The following PATL1 variants were observed in gnomAD, a reference collection of about 807,000 sequenced individuals.
PATL1 encodes the protein protein PAT1 homolog 1.
In PATL1, 32 loss-of-function variants were observed where a neutral mutation model predicts 100.6. That is an observed-to-expected ratio of 0.32 (90% CI 0.24 to 0.43). The LOEUF is 0.43. Among genes scored for constraint, PATL1 ranks in the 20% least tolerant of loss-of-function variants. The pLI is 1.00. For missense variants in PATL1, 747 were observed against 949.9 expected (o/e 0.79, Z 2.81); for synonymous variants, 332 against 330.0 (o/e 1.01, Z -0.07).
chr11:59,642,871 C>A lies in PATL1; in HGVS notation c.2049+9G>T. 1 of 1,608,130 alleles carries A rather than the reference C, an allele frequency of 6.2e-7. No homozygotes were observed. Among genetic ancestry groups the A allele is most frequent in the Non-Finnish European group, 8.5e-7 (1 of 1,177,048 alleles). On this transcript the variant is annotated intron_variant, in intron 16 of 18. Transcript: ENST00000300146. ...CACAAAGTTCAAGGAGTTAAAAGGG[C>A]AAGATCACCTTGTTCTGGAGCACAG...
intron 7 of PATL1, 33 bp from the exon 8 acceptor site, chr11:59,655,773 A>G (rs1232694750): frequency 6.5e-7 from 1 of 1,529,882 alleles, no homozygotes; most frequent in South Asian, 1.2e-5. Flanking sequence ...AGATTTAGAC[A>G]ATCAGCAAGT....
intron 8 of PATL1, 72 bp from the exon 9 acceptor site, chr11:59,654,144 T>A: frequency 7.7e-7 from 1 of 1,305,860 alleles, no homozygotes; most frequent in Non-Finnish European, 1.1e-6. Context: ...ATGTTGTCAG[T>A]AGAGGATAAC....
chr11:59,639,059 C>G lies in PATL1; in HGVS notation c.2280G>C (p.Glu760Asp). ...YVDRQKLNLL[E>D]TKLQLVQGIR ...TGTTTCAAACTTACTGCAGTTTTGT[C>G]TCCAGCAAGTTCAGTTTCTGCCGGT... Residue 760 changes from glutamate to aspartate, a missense_variant, in exon 18 of 19, where the codon GAG becomes GAC. Glu to Asp is a conservative substitution (Grantham distance 45). Transcript: ENST00000300146. 6.2e-7 allele frequency: 1 copy of G among 1,613,388 alleles called. No homozygotes were observed. The highest frequency in any genetic ancestry group is 1.1e-5 in the South Asian group (1 of 90,998).
At chr11:59,641,231 G>C (rs776069765) in intron 16 of PATL1, among the ~76,000 whole-genome samples, 105 of 152,202 alleles carry the variant, frequency 6.9e-4, no homozygotes, top group Non-Finnish European at 1.4e-3. Flanking sequence ...GAGGTGGGAG[G>C]ATCGCTTTGA....
intron 1 of PATL1, 46 bp downstream of exon 1, chr11:59,668,807 CGGCGCGCGGAGAGAGAGTGAGGGAGAGG>C: frequency 1.4e-6 from 1 of 705,804 alleles, no homozygotes; most frequent in Non-Finnish European, 2.3e-6. Flanking sequence ...AACACAGGAC[CGGCGCGCGGAGAGAGAGTGAGGGAGAGG>C]GGCGCGGGAG....
chr11:59,652,491 C>T lies in PATL1; in HGVS notation c.1399G>A (p.Ala467Thr), dbSNP rs1449228298. 1.8e-5 allele frequency: 29 copies of T among 1,613,454 alleles called. No individual in the cohort carries two copies. Among genetic ancestry groups the T allele is most frequent in the Non-Finnish European group, 2.5e-5 (29 of 1,179,736 alleles). Reference sequence around the variant, plus strand: ...GGCTTATAGGCGTGCTCCAGTTTGGCCACCTGAGGGGTGATAAGCTTGGTG... The same window carrying T: ...GGCTTATAGGCGTGCTCCAGTTTGGTCACCTGAGGGGTGATAAGCTTGGTG... ...ERTKLITPQV[A>T]KLEHAYKPVQ... The change falls in exon 11 of 19, where the codon GCC becomes ACC. Residue 467 changes from alanine (A) to threonine (T), a missense_variant. This residue lies in a region of PATL1 where 434 missense variants were observed against 596.1 expected (regional missense o/e 0.73). Transcript: ENST00000300146.
chr11:59,655,887 G>T, intron 7 of PATL1, 69 bp downstream of exon 7: 1 of 1,369,530 alleles, frequency 7.3e-7, no homozygotes, highest in Non-Finnish European at 1.0e-6. Flanking sequence ...GCAAAAAAAG[G>T]GGCTATTATC....
chr11:59,645,089 G>T (rs1414879081), intron 15 of PATL1, among the ~76,000 whole-genome samples: 2 of 141,992 alleles, frequency 1.4e-5, no homozygotes, highest in African/African-American at 2.6e-5. Flanking sequence ...GAGAGCACAG[G>T]GTTGGGGGTA....
At chr11:59,668,180 A>G (rs188839940) in intron 1 of PATL1, among the ~76,000 whole-genome samples, 9 of 152,346 alleles carry the variant, frequency 5.9e-5, no homozygotes, top group African/African-American at 2.2e-4. Context: ...CTTTCATGCT[A>G]CAAATTCAGA....
chr11:59,665,386 C>A (rs529579345), intron 2 of PATL1, among the ~76,000 whole-genome samples: 3 of 152,320 alleles, frequency 2.0e-5, no homozygotes, highest in East Asian at 1.9e-4. Context: ...AGAAGTGTTG[C>A]GACTACAAAA....
intron 12 of PATL1, 133 bp from the exon 13 acceptor site, chr11:59,650,946 A>G: frequency 1.5e-6 from 1 of 652,326 alleles, no homozygotes; most frequent in South Asian, 2.2e-5. Context: ...ATAATCTAAA[A>G]CAACCCTAGT....
rs1861212610 is a variant in PATL1 at position 59,637,733 on chromosome 11, A to C, written c.*657T>G. 1 of 152,390 alleles carries C rather than the reference A, an allele frequency of 6.6e-6. No individual in the cohort carries two copies. The highest frequency in any genetic ancestry group is 1.9e-4 in the East Asian group (1 of 5,210). 9.4% of individuals were successfully genotyped at this position (152,390 alleles called of 1,614,324 possible). Reference sequence around the variant, plus strand: ...GTTCTGATTTTATTAAACGTGCTGCATACTCTTTATTTATGTTAAAACAAG... The same window carrying C: ...GTTCTGATTTTATTAAACGTGCTGCCTACTCTTTATTTATGTTAAAACAAG... On this transcript the variant is annotated 3_prime_UTR_variant, in exon 19 of 19. Transcript: ENST00000300146.
intron 1 of PATL1, among the ~76,000 whole-genome samples, chr11:59,667,530 G>GT (rs1861708247): frequency 6.6e-6 from 1 of 152,174 alleles, no homozygotes; most frequent in African/African-American, 2.4e-5. Context: ...AAAAGCTGTG[G>GT]TATGACAAGT....
chr11:59,653,622 C>T (rs1164179531), intron 9 of PATL1, among the ~76,000 whole-genome samples: 3 of 152,124 alleles, frequency 2.0e-5, no homozygotes, highest in Admixed American at 6.6e-5. Context: ...CCCTGTTGTA[C>T]CCCTCTAGAC....
chr11:59,639,611 C>T (rs181965030), intron 16 of PATL1: 41 of 459,216 alleles, frequency 8.9e-5, no homozygotes, highest in African/African-American at 7.4e-4. Context: ...CCAACAGAAA[C>T]GGAAAGTCAT....
At chr11:59,666,816 G>A in intron 2 of PATL1, 37 bp downstream of exon 2, 1 of 1,540,220 alleles carries the variant, frequency 6.5e-7, no homozygotes, top group Non-Finnish European at 8.8e-7. Flanking sequence ...AAGAGCAGGA[G>A]GCTAAGATGA....
At chr11:59,642,725 C>T in intron 16 of PATL1, 155 bp downstream of exon 16, 1 of 770,042 alleles carries the variant, frequency 1.3e-6, no homozygotes, top group Non-Finnish European at 2.0e-6. Flanking sequence ...GTTGAAAACA[C>T]TGTTATTTCT....
intron 4 of PATL1, 21 bp from the exon 5 acceptor site, chr11:59,657,745 A>C: frequency 6.6e-7 from 1 of 1,517,068 alleles, no homozygotes; most frequent in Non-Finnish European, 8.9e-7. Context: ...AAGTGGTAAA[A>C]TAAAATAGAA....
At chr11:59,668,407 G>A (rs1590707067) in intron 1 of PATL1, among the ~76,000 whole-genome samples, 1 of 152,312 alleles carries the variant, frequency 6.6e-6, no homozygotes, top group Non-Finnish European at 1.5e-5. Flanking sequence ...GGCAAGCCCA[G>A]GCCCCCTTCA....
Sources: allele counts gnomAD v4.1 joint callset (sites outside exome capture counted in the v4.1 genomes callset), GRCh38; gene constraint gnomAD v4.1.1; regional missense constraint gnomAD v4.1.1; transcripts MANE v1.5; gene names NCBI Gene and HGNC (gene_info 2026-07-23, HGNC 2026-07-21).